The following ZNF33B variants were observed in gnomAD, a reference collection of about 807,000 sequenced individuals.
ZNF33B encodes the protein zinc finger protein 11b (KOX 2).
In ZNF33B, 29 loss-of-function variants were observed where a neutral mutation model predicts 45.8. The observed-to-expected ratio is 0.63, with a 90% CI of 0.47 to 0.86. The LOEUF (loss-of-function observed/expected upper bound fraction) is 0.86. Ranked by LOEUF, ZNF33B falls within the 40% of genes least tolerant of loss-of-function variation. ZNF33B has a pLI of 0.00. For synonymous variants in ZNF33B, 305 were observed against 307.8 expected, an observed-to-expected ratio of 0.99 and a Z score of 0.10; for missense variants, 831 against 909.9, an observed-to-expected ratio of 0.91 and a Z score of 1.12.
At chr10:42,596,795 A>C (rs1837419356) in intron 4 of ZNF33B, among the ~76,000 whole-genome samples, 1 of 152,066 alleles carries the variant, frequency 6.6e-6, no homozygotes, top group Non-Finnish European at 1.5e-5. Flanking sequence ...ACCTAGCTAC[A>C]CTTAATAATT....
At chr10:42,632,768 G>A (rs966038103) in intron 2 of ZNF33B, 22 of 291,822 alleles carry the variant, frequency 7.5e-5, no homozygotes, top group African/African-American at 3.2e-4. Flanking sequence ...ACAGACTAAC[G>A]TTAGGAGCAA....
At chr10:42,608,566 T>C (rs1837962642) in intron 4 of ZNF33B, among the ~76,000 whole-genome samples, 2 of 151,386 alleles carry the variant, frequency 1.3e-5, no homozygotes, top group Non-Finnish European at 2.9e-5. Context: ...AAAGAAGCAA[T>C]AAGAAGGCAA....
chr10:42,622,021 G>C (rs573029285), intron 4 of ZNF33B, among the ~76,000 whole-genome samples: 10 of 152,286 alleles, frequency 6.6e-5, no homozygotes, highest in African/African-American at 2.4e-4. Context: ...AAAATCCGTT[G>C]TGTTGCTACA....
rs1837208567 is a variant in ZNF33B at position 42,593,008 on chromosome 10, G to A, written c.1942C>T (p.His648Tyr). The A allele has an allele frequency of 6.2e-7, 1 of 1,613,950 alleles. No homozygotes were observed. The highest frequency in any genetic ancestry group is 1.1e-5 in the South Asian group (1 of 91,072). ...ECNECGKAFCHKSALIVHQRT... is the reference protein window; with the variant it reads ...ECNECGKAFCYKSALIVHQRT... ...TGATGTACAATTAGAGCTGACTTAT[G>A]GCAGAAAGCTTTTCCACACTCATTA... Residue 648 changes from histidine to tyrosine, a missense_variant, in exon 5 of 5, where the codon CAT (histidine) becomes TAT (tyrosine). His to Tyr is a moderately conservative substitution (Grantham distance 83). Coordinates refer to ENST00000359467, the MANE Select transcript of ZNF33B (RefSeq NM_006955.3).
intron 4 of ZNF33B, among the ~76,000 whole-genome samples, chr10:42,602,171 C>T (rs1217478252): frequency 1.3e-5 from 2 of 152,056 alleles, no homozygotes; most frequent in African/African-American, 4.8e-5. Context: ...AGGAGATCCA[C>T]CTGCCTTGGC....
At chr10:42,629,482 C>G (rs1447417299) in intron 4 of ZNF33B, among the ~76,000 whole-genome samples, 1 of 152,048 alleles carries the variant, frequency 6.6e-6, no homozygotes, top group African/African-American at 2.4e-5. Context: ...AAGATAAATA[C>G]TTGAGGGAAT....
chr10:42,606,498 G>T (rs967102118), intron 4 of ZNF33B, among the ~76,000 whole-genome samples: 1 of 152,118 alleles, frequency 6.6e-6, no homozygotes, highest in African/African-American at 2.4e-5. Context: ...ATCTGTACTG[G>T]AGTAAGGAAA....
At chr10:42,594,887 A>C (rs1039357595) in intron 4 of ZNF33B, among the ~76,000 whole-genome samples, 188 bp from the exon 5 acceptor site, 4 of 152,160 alleles carry the variant, frequency 2.6e-5, no homozygotes, top group Non-Finnish European at 5.9e-5. Context: ...AAAAACAAAA[A>C]CCAGAAACAA....
At chr10:42,575,574 G>A (rs1836736004) in intron 1 of ZNF33B, among the ~76,000 whole-genome samples, 3 of 151,888 alleles carry the variant, frequency 2.0e-5, no homozygotes, top group Admixed American at 2.0e-4. Flanking sequence ...TTTCTTTCAT[G>A]TATGCCCCTA....
chr10:42,585,588 A>G (rs1836917279), downstream of ZNF33B, among the ~76,000 whole-genome samples: 1 of 152,228 alleles, frequency 6.6e-6, no homozygotes, highest in Non-Finnish European at 1.5e-5. Context: ...TAGATGCATA[A>G]TACTGATAAT....
chr10:42,629,698 A>G (rs1484067786), intron 4 of ZNF33B, among the ~76,000 whole-genome samples: 1 of 152,156 alleles, frequency 6.6e-6, no homozygotes, highest in East Asian at 1.9e-4. Context: ...TTGCTCTGTT[A>G]GGCTGCTATT....
Position 42,636,970 on chromosome 10 carries a change from C to A in ZNF33B, c.-42G>T. The stretch of plus-strand genomic sequence containing the variant: ...AAAGACGGAGACAACTCTGAAGATA[C>A]AGCTGAGTTGGAAAAAGAGGAATGG... On this transcript the variant is annotated splice_region_variant and 5_prime_UTR_variant, in exon 2 of 5. Transcript: ENST00000359467. 6.2e-7 allele frequency: 1 copy of A among 1,613,856 alleles called. No homozygotes were observed. The highest frequency in any genetic ancestry group is 8.5e-7 in the Non-Finnish European group (1 of 1,179,912).
Position 42,593,572 on chromosome 10 carries a change from G to A in ZNF33B, c.1378C>T (p.Gln460Ter), listed in dbSNP as rs746156610. The A allele has an allele frequency of 6.2e-7, 1 of 1,613,812 alleles. No homozygotes were observed. Among genetic ancestry groups the A allele is most frequent in the Non-Finnish European group, 8.5e-7 (1 of 1,179,926 alleles). Reference sequence around the variant, plus strand: ...GGTTTCTCACCTGTGTGAGTTCTCTGGTGTACTGTAAGGTGTGAATTCATA... The same window carrying A: ...GGTTTCTCACCTGTGTGAGTTCTCTAGTGTACTGTAAGGTGTGAATTCATA... ...FCMNSHLTVHQRTHTGEKPFE... is the reference protein window; with the variant it reads ...FCMNSHLTVH The change falls in exon 5 of 5, where the codon CAG becomes TAG. Residue 460 changes from glutamine to a stop codon, truncating the protein, a stop_gained. Coordinates refer to ENST00000359467, the MANE Select transcript of ZNF33B (RefSeq NM_006955.3). LOFTEE classifies it high-confidence loss of function.
At chr10:42,603,425 G>T (rs189351317) in intron 4 of ZNF33B, among the ~76,000 whole-genome samples, 1 of 152,202 alleles carries the variant, frequency 6.6e-6, no homozygotes, top group Non-Finnish European at 1.5e-5. Context: ...CAGACCAACT[G>T]AAAGTTTACT....
At chr10:42,623,028 G>A (rs1363213158) in intron 4 of ZNF33B, among the ~76,000 whole-genome samples, 2 of 152,210 alleles carry the variant, frequency 1.3e-5, no homozygotes, top group Non-Finnish European at 2.9e-5. Flanking sequence ...AGCACTTTGG[G>A]AGGTCAAGGT....
chr10:42,594,762 C>G (rs1198732439), intron 4 of ZNF33B, 63 bp from the exon 5 acceptor site: 1 of 1,493,340 alleles, frequency 6.7e-7, no homozygotes, highest in Non-Finnish European at 8.9e-7. Flanking sequence ...GGAATGAAAT[C>G]TCTACACAAA....
chr10:42,589,853 T>C lies in ZNF33B; in HGVS notation c.*2760A>G, dbSNP rs955316624. On this transcript the variant is annotated 3_prime_UTR_variant, in exon 5 of 5. Coordinates refer to ENST00000359467, the MANE Select transcript of ZNF33B (RefSeq NM_006955.3). Reference sequence around the variant, plus strand: ...CCAGTACAATGCTGAAAAGCAGTGGTGTTCCTTGCCATGTTCCTGATCTTA... The same window carrying C: ...CCAGTACAATGCTGAAAAGCAGTGGCGTTCCTTGCCATGTTCCTGATCTTA... The C allele has an allele frequency of 6.6e-6, 1 of 152,212 alleles. No individual in the cohort carries two copies. Among genetic ancestry groups the C allele is most frequent in the African/African-American group, 2.4e-5 (1 of 41,450 alleles). The allele number at this position is 152,212 out of a possible 1,614,324, so 9.4% of individuals were successfully genotyped here. A position where few individuals can be genotyped will look rare whatever the true frequency, so the allele number is the denominator to read the frequency against.
chr10:42,596,947 A>AAGATATATTATAC lies in ZNF33B; in HGVS notation c.251-2249_251-2248insGTATAATATATCT, dbSNP rs573054962. On this transcript the variant is annotated intron_variant, in intron 4 of 4. Coordinates refer to ENST00000359467, the MANE Select transcript of ZNF33B (RefSeq NM_006955.3). ...TTCTTCCTTGGTTATACTAGATAGC[A>AAGATATATTATAC]TATATTATACTATCAGGTATGAGTG... 3.7e-3 allele frequency among the ~76,000 whole-genome samples: 565 copies of AAGATATATTATAC among 151,918 alleles called. 5 individuals carry two copies. The highest frequency in any genetic ancestry group is 0.012 in the African/African-American group (518 of 41,480).
intron 4 of ZNF33B, among the ~76,000 whole-genome samples, chr10:42,625,605 C>G (rs1838772394): frequency 6.6e-6 from 1 of 152,176 alleles, no homozygotes; most frequent in Non-Finnish European, 1.5e-5. Flanking sequence ...TCCCAAGTAG[C>G]TGGGATTACT....
Sources: gnomAD v4.1 joint callset for allele counts (sites outside exome capture counted in the v4.1 genomes callset) on GRCh38, gnomAD v4.1.1 for gene constraint, MANE v1.5 for transcripts, NCBI Gene and HGNC (gene_info 2026-07-23, HGNC 2026-07-21) for gene names.